Variants in PRKCH observed in about 807,000 individuals in gnomAD.
PRKCH encodes protein kinase C eta.
A neutral mutation model predicts 82.5 loss-of-function variants in PRKCH; 28 were observed. The ratio of observed to expected loss-of-function variants is 0.34; its 90% CI spans 0.25 to 0.47. The LOEUF (loss-of-function observed/expected upper bound fraction) is 0.47, where lower values mean the gene tolerates loss of function less well. Ranked by LOEUF, PRKCH falls within the 20% of genes least tolerant of loss-of-function variation. The pLI, the probability that PRKCH is intolerant of heterozygous loss-of-function variation, is 1.00. For missense variants in PRKCH, 705 were observed against 881.8 expected (o/e 0.80, Z 2.54); for synonymous variants, 322 against 327.4 (o/e 0.98, Z 0.18).
intron 1 of PRKCH, among the ~76,000 whole-genome samples, chr14:61,302,838 G>A (rs775964985): frequency 2.0e-5 from 3 of 152,040 alleles, no homozygotes; most frequent in South Asian, 2.1e-4. Context: ...CTTGAAAATC[G>A]TTGTTTATTC....
intron 1 of PRKCH, among the ~76,000 whole-genome samples, chr14:61,287,204 TAAAAAAA>T (rs35045657): frequency 1.4e-4 from 8 of 57,930 alleles, no homozygotes; most frequent in South Asian, 9.3e-4. Flanking sequence ...GACTCCGTCT[TAAAAAAA>T]AAAAAAAAAA....
intron 1 of PRKCH, among the ~76,000 whole-genome samples, chr14:61,356,565 G>A (rs1277789140): frequency 6.6e-6 from 1 of 152,188 alleles, no homozygotes; most frequent in Non-Finnish European, 1.5e-5. Flanking sequence ...GGCTTAAGTA[G>A]TAAGAGTCAA....
intron 10 of PRKCH, among the ~76,000 whole-genome samples, chr14:61,523,159 C>G (rs534505696): frequency 6.6e-6 from 1 of 152,234 alleles, no homozygotes; most frequent in East Asian, 1.9e-4. Context: ...AGCAAATGAT[C>G]TGCACATTTG....
chr14:61,309,073 C>T (rs1009959999), intron 1 of PRKCH, among the ~76,000 whole-genome samples: 3 of 88,336 alleles, frequency 3.4e-5, no homozygotes, highest in Non-Finnish European at 5.4e-5. Context: ...CACTTAATAT[C>T]TGGAGTTCAA....
At chr14:61,195,773 A>G (rs1234533595) in intron 1 of PRKCH, among the ~76,000 whole-genome samples, 1 of 152,100 alleles carries the variant, frequency 6.6e-6, no homozygotes, top group Non-Finnish European at 1.5e-5. Context: ...TGTCACATGG[A>G]CTTCCCTCAG....
intron 1 of PRKCH, among the ~76,000 whole-genome samples, chr14:61,197,885 C>T (rs1021857995): frequency 3.3e-5 from 5 of 152,174 alleles, no homozygotes; most frequent in African/African-American, 1.2e-4. Context: ...TGTCTTCCAA[C>T]TGTAGATAAT....
In PRKCH at chr14:61,550,014, C is replaced by T. The variant is rs1594806485; in HGVS notation, c.*183C>T. The T allele has an allele frequency of 8.7e-6, 5 of 571,764 alleles. No homozygotes were observed. The highest frequency in any genetic ancestry group is 6.5e-5 in the Admixed American group (2 of 30,984). 35.4% of individuals were successfully genotyped at this position (571,764 alleles called of 1,614,324 possible). ...TCAACTATTTAGAGTCCAGAGGGAG[C>T]CATGGCACTAGAAATAGTTGATAAT... On this transcript the variant is annotated 3_prime_UTR_variant, in exon 14 of 14. Transcript: ENST00000332981.
intron 1 of PRKCH, among the ~76,000 whole-genome samples, chr14:61,227,663 C>A (rs115642492): frequency 0.049 from 7,467 of 152,084 alleles, 580 homozygotes; most frequent in African/African-American, 0.16. Flanking sequence ...TTTTTATGTC[C>A]ATGCATAGGA....
At position 61,280,048 on chromosome 14, in the gene PRKCH, A is replaced by G; in HGVS notation, c.-19+92380A>G. 6.6e-7 allele frequency: 1 copy of G among 1,516,704 alleles called. No homozygotes were observed. Among genetic ancestry groups the G allele is most frequent in the Non-Finnish European group, 8.9e-7 (1 of 1,127,346 alleles). 94.0% of individuals were successfully genotyped at this position (1,516,704 alleles called of 1,614,324 possible). ...GGAGGAGATGCCAAAAGCACCTTGC[A>G]AGAGTTTTGGCAAGAAGCAGGAGGG... On this transcript the variant is annotated intron_variant, in intron 1 of 3. Coordinates refer to the PRKCH transcript ENST00000555185. This position sits in a 1 kb window ranked among gnomAD's most constrained non-coding sequence, Gnocchi z 5.0.
intron 1 of PRKCH, among the ~76,000 whole-genome samples, chr14:61,205,223 A>G (rs1352818001): frequency 2.0e-5 from 3 of 152,218 alleles, no homozygotes; most frequent in African/African-American, 7.2e-5. Context: ...TCCATGGCCA[A>G]CAGTGACAGA....
chr14:61,449,287 T>C (rs1484879000), intron 5 of PRKCH, 35 bp downstream of exon 5: 1 of 1,527,594 alleles, frequency 6.5e-7, no homozygotes, highest in South Asian at 1.1e-5. Flanking sequence ...TAAATGTGCG[T>C]GTGTATTGTG....
chr14:61,263,334 A>G (rs1433200876), intron 1 of PRKCH, among the ~76,000 whole-genome samples: 1 of 152,224 alleles, frequency 6.6e-6, no homozygotes, highest in African/African-American at 2.4e-5. Flanking sequence ...TGTGCTATAC[A>G]TAATCTTTGG....
intron 10 of PRKCH, among the ~76,000 whole-genome samples, chr14:61,503,234 C>T (rs986036530): frequency 1.3e-5 from 2 of 150,770 alleles, no homozygotes; most frequent in Admixed American, 1.3e-4. Context: ...TAGACAGGTT[C>T]AAACCCGTCA....
chr14:61,234,718 G>T (rs1467365322), intron 1 of PRKCH, among the ~76,000 whole-genome samples: 4 of 152,212 alleles, frequency 2.6e-5, no homozygotes, highest in African/African-American at 4.8e-5. Context: ...ATCTGTTCTG[G>T]TTTTTTATAG....
chr14:61,193,976 G>A (rs895486347), intron 1 of PRKCH, among the ~76,000 whole-genome samples: 3 of 152,034 alleles, frequency 2.0e-5, no homozygotes, highest in African/African-American at 7.2e-5. Flanking sequence ...GCCCACCATG[G>A]CTGTCTATTT....
intron 1 of PRKCH, among the ~76,000 whole-genome samples, chr14:61,210,693 A>G (rs1182837397): frequency 6.6e-6 from 1 of 152,058 alleles, no homozygotes; most frequent in Admixed American, 6.5e-5. Flanking sequence ...GAGTCAGTGA[A>G]CATCATTGGA....
chr14:61,210,135 T>TATATATATATATATATATATATATAC (rs2044561118), intron 1 of PRKCH, among the ~76,000 whole-genome samples: 1 of 40,516 alleles, frequency 2.5e-5, no homozygotes, highest in South Asian at 8.4e-4. Flanking sequence ...TATATATATA[T>TATATATATATATATATATATATATAC]ATATATATAT....
chr14:61,307,901 A>G (rs1486625494), intron 1 of PRKCH, among the ~76,000 whole-genome samples: 1 of 152,220 alleles, frequency 6.6e-6, no homozygotes, highest in East Asian at 1.9e-4. Flanking sequence ...CAGCAGTGCA[A>G]TCAGGGCTTA....
At chr14:61,496,885 C>T (rs915804501) in intron 10 of PRKCH, among the ~76,000 whole-genome samples, 1 of 151,718 alleles carries the variant, frequency 6.6e-6, no homozygotes, top group Non-Finnish European at 1.5e-5. Flanking sequence ...AACTCACCTA[C>T]TCCTCATGAC....
Sources: allele counts gnomAD v4.1 joint callset (sites outside exome capture counted in the v4.1 genomes callset), GRCh38; gene constraint gnomAD v4.1.1; non-coding constraint Gnocchi (gnomAD v3.1); transcripts MANE v1.5; gene names NCBI Gene and HGNC (gene_info 2026-07-23, HGNC 2026-07-21).